Variants in SHISA9 observed in about 807,000 individuals in gnomAD.
The protein encoded by SHISA9 is protein shisa-9.
SHISA9 carries 13 observed loss-of-function variants against 38.0 expected under a neutral mutation model. The ratio of observed to expected loss-of-function variants is 0.34; its 90% CI spans 0.22 to 0.54. The LOEUF is 0.54. SHISA9 is among the 20% of genes least tolerant of loss of function. SHISA9 has a pLI of 0.91. For missense variants in SHISA9, 538 were observed against 575.8 expected (o/e 0.93, Z 0.67); for synonymous variants, 275 against 242.0 (o/e 1.14, Z -1.27).
At chr16:13,272,354 G>T in the SHISA9 span, among the ~76,000 whole-genome samples, 2 of 151,960 alleles carry the variant, frequency 1.3e-5, no homozygotes, top group African/African-American at 4.8e-5. Flanking sequence ...TCTGCCACAG[G>T]TAGACTCCAT....
chr16:13,241,148 C>T (rs1002592135), downstream of SHISA9, among the ~76,000 whole-genome samples: 7 of 152,286 alleles, frequency 4.6e-5, no homozygotes, highest in African/African-American at 1.7e-4. Flanking sequence ...TTCCAAATTG[C>T]TTTCAGGGAT....
At chr16:13,420,289 A>G in the SHISA9 span, among the ~76,000 whole-genome samples, 2 of 134,534 alleles carry the variant, frequency 1.5e-5, no homozygotes, top group South Asian at 2.4e-4. Context: ...TTTGCTCAGC[A>G]GGCGTTTACT....
intron 1 of SHISA9, chr16:12,909,388 C>G: frequency 1.0e-6 from 1 of 985,382 alleles, no homozygotes; most frequent in Non-Finnish European, 1.2e-6. Context: ...AAGAAGTGCT[C>G]AGGAACTCTA....
the SHISA9 span, among the ~76,000 whole-genome samples, chr16:13,316,340 T>G: frequency 1.1e-4 from 16 of 152,094 alleles, no homozygotes; most frequent in Non-Finnish European, 2.1e-4. Context: ...GTCTAGGGGA[T>G]TCTGTGTGTA....
chr16:12,963,878 T>C (rs901943065), intron 2 of SHISA9, among the ~76,000 whole-genome samples: 4 of 152,234 alleles, frequency 2.6e-5, no homozygotes, highest in African/African-American at 4.8e-5. Flanking sequence ...CATTTTTACA[T>C]GTTTTGGATG....
rs2050511415 is a variant in SHISA9, at chr16:13,152,828, A to T, written c.692-50566A>T. On this transcript the variant is annotated intron_variant, in intron 2 of 4. Transcript: ENST00000558583. ...ATCCTAATAATTGGAAACTACATAA[A>T]TATGTTAGGTTACATGGCAAGAGAG... 2.0e-5 allele frequency among the ~76,000 whole-genome samples: 3 copies of T among 152,322 alleles called. No homozygotes were observed. In the South Asian group the frequency reaches 6.2e-4, roughly 32 times the overall value.
chr16:13,498,962 T>C, the SHISA9 span, among the ~76,000 whole-genome samples: 116 of 152,280 alleles, frequency 7.6e-4, 3 homozygotes, highest in East Asian at 0.018. Context: ...AGAATCTGCC[T>C]TCTTGCTGAG....
At chr16:12,964,568 G>A (rs2071953875) in intron 2 of SHISA9, among the ~76,000 whole-genome samples, 1 of 152,118 alleles carries the variant, frequency 6.6e-6, no homozygotes, top group Non-Finnish European at 1.5e-5. Flanking sequence ...GACAGGATGT[G>A]TTTATACTAC....
the SHISA9 span, among the ~76,000 whole-genome samples, chr16:13,279,873 C>G: frequency 8.6e-5 from 13 of 151,814 alleles, no homozygotes; most frequent in Admixed American, 5.3e-4. Context: ...CAGTAATGCT[C>G]TTTGTATTAA....
intron 2 of SHISA9, among the ~76,000 whole-genome samples, chr16:13,095,103 C>G (rs2073812436): frequency 6.6e-6 from 1 of 152,180 alleles, no homozygotes; most frequent in Non-Finnish European, 1.5e-5. Flanking sequence ...CCAGGGATAA[C>G]TGTGAGAGAG....
the SHISA9 span, among the ~76,000 whole-genome samples, chr16:13,553,919 G>C: frequency 6.6e-6 from 1 of 152,102 alleles, no homozygotes; most frequent in African/African-American, 2.4e-5. Flanking sequence ...ACATCTCATT[G>C]TGACCCAAAA....
the SHISA9 span, among the ~76,000 whole-genome samples, chr16:13,446,985 A>G: frequency 4.3e-5 from 5 of 116,228 alleles, no homozygotes; most frequent in Non-Finnish European, 9.0e-5. Flanking sequence ...ATCTCAAAAA[A>G]GAAAAAAAAA....
chr16:13,272,561 A>T, the SHISA9 span, among the ~76,000 whole-genome samples: 2 of 152,156 alleles, frequency 1.3e-5, no homozygotes, highest in South Asian at 4.2e-4. Context: ...AAATTGATGA[A>T]GAGACCTAAC....
the SHISA9 span, among the ~76,000 whole-genome samples, chr16:13,500,072 T>G: frequency 0.19 from 28,564 of 152,106 alleles, 2,918 homozygotes; most frequent in Admixed American, 0.31. Context: ...CATCTTGAAT[T>G]GTAATCCTCA....
intron 2 of SHISA9, among the ~76,000 whole-genome samples, chr16:12,925,129 ACT>A (rs1386620411): frequency 6.6e-6 from 1 of 151,928 alleles, no homozygotes; most frequent in Non-Finnish European, 1.5e-5. Context: ...AAATGTTTTC[ACT>A]CTGCGTGCCA....
At chr16:12,995,056 A>T (rs55981025) in intron 2 of SHISA9, among the ~76,000 whole-genome samples, 23,081 of 151,606 alleles carry the variant, frequency 0.15, 1,903 homozygotes, top group Middle Eastern at 0.23. Context: ...TTTTTTTTTT[A>T]AAATAAAAAA....
intron 2 of SHISA9, among the ~76,000 whole-genome samples, chr16:13,181,181 C>A (rs1445677360): frequency 6.7e-6 from 1 of 148,734 alleles, no homozygotes; most frequent in African/African-American, 2.5e-5. Context: ...TTTATATAAT[C>A]ATAATAATAA....
chr16:13,378,955 A>G, the SHISA9 span, among the ~76,000 whole-genome samples: 3 of 152,354 alleles, frequency 2.0e-5, no homozygotes, highest in East Asian at 3.9e-4. Flanking sequence ...ATACACAGTA[A>G]GTAACCAACG....
At chr16:13,529,285 T>A in the SHISA9 span, among the ~76,000 whole-genome samples, 82 of 152,370 alleles carry the variant, frequency 5.4e-4, no homozygotes, top group African/African-American at 1.9e-3. Flanking sequence ...TTGTACTGTG[T>A]CTTGATCTTG....
Sources: gnomAD v4.1 joint callset for allele counts (sites outside exome capture counted in the v4.1 genomes callset) on GRCh38, gnomAD v4.1.1 for gene constraint, MANE v1.5 for transcripts, NCBI Gene and HGNC (gene_info 2026-07-23, HGNC 2026-07-21) for gene names.